The following UVRAG variants were observed in gnomAD, a reference collection of about 807,000 sequenced individuals.
UVRAG encodes UV radiation resistance-associated gene protein.
A neutral mutation model predicts 78.0 loss-of-function variants in UVRAG; 19 were observed. The observed-to-expected ratio is 0.24, with a 90% CI of 0.17 to 0.36. UVRAG has a LOEUF of 0.36. Ranked by LOEUF, UVRAG falls within the 10% of genes least tolerant of loss-of-function variation. The pLI, the probability that UVRAG is intolerant of heterozygous loss-of-function variation, is 1.00. For synonymous variants in UVRAG, 323 were observed against 324.6 expected, an observed-to-expected ratio of 1.00 and a Z score of 0.05; for missense variants, 740 against 853.8, an observed-to-expected ratio of 0.87 and a Z score of 1.66.
chr11:76,042,139 T>C (rs1950657848), intron 12 of UVRAG, among the ~76,000 whole-genome samples: 2 of 152,102 alleles, frequency 1.3e-5, no homozygotes, highest in South Asian at 2.1e-4. Context: ...GTGAAAAAAT[T>C]AGAAACAACC....
At chr11:76,121,751 C>T (rs1952280986) in intron 14 of UVRAG, among the ~76,000 whole-genome samples, 1 of 152,200 alleles carries the variant, frequency 6.6e-6, no homozygotes, top group Non-Finnish European at 1.5e-5. Context: ...GGCAAGTTCC[C>T]ACTACCCAGA....
chr11:75,923,098 G>A (rs537819434), intron 6 of UVRAG, among the ~76,000 whole-genome samples: 145 of 148,664 alleles, frequency 9.8e-4, no homozygotes, highest in African/African-American at 3.4e-3. Flanking sequence ...GCAATGGCTC[G>A]ATCTTGACTC....
intron 6 of UVRAG, among the ~76,000 whole-genome samples, chr11:75,936,003 C>T (rs1351638244): frequency 1.3e-5 from 2 of 152,062 alleles, no homozygotes; most frequent in Non-Finnish European, 2.9e-5. Context: ...TCAGTCTTTC[C>T]TTAAGATTTT....
chr11:76,002,742 G>A (rs532695936), intron 8 of UVRAG, among the ~76,000 whole-genome samples: 5 of 152,208 alleles, frequency 3.3e-5, no homozygotes, highest in African/African-American at 9.6e-5. Flanking sequence ...CAACTTACTG[G>A]TCTTCATAGT....
chr11:76,051,554 T>TA (rs139873353), intron 12 of UVRAG, among the ~76,000 whole-genome samples: 6,859 of 152,146 alleles, frequency 0.045, 266 homozygotes, highest in East Asian at 0.21. Context: ...CCCTGCAACT[T>TA]ACAAGTAAAA....
intron 14 of UVRAG, among the ~76,000 whole-genome samples, chr11:76,140,242 G>A (rs1952691573): frequency 6.6e-6 from 1 of 151,160 alleles, no homozygotes; most frequent in Non-Finnish European, 1.5e-5. Flanking sequence ...CTGCCTCACT[G>A]AGCATGGGCA....
At chr11:75,930,307 T>C (rs902251367) in intron 6 of UVRAG, among the ~76,000 whole-genome samples, 7 of 152,224 alleles carry the variant, frequency 4.6e-5, no homozygotes, top group Non-Finnish European at 1.0e-4. Context: ...AATGAAAGTC[T>C]TTTATACTTT....
At chr11:75,906,610 A>G (rs55916175) in intron 5 of UVRAG, among the ~76,000 whole-genome samples, 4,354 of 152,164 alleles carry the variant, frequency 0.029, 218 homozygotes, top group African/African-American at 0.1. Context: ...AGCCTCTCAA[A>G]GTGCTGGGAT....
At chr11:76,062,406 A>G (rs537997803) in intron 12 of UVRAG, among the ~76,000 whole-genome samples, 1 of 152,310 alleles carries the variant, frequency 6.6e-6, no homozygotes, top group East Asian at 1.9e-4. Flanking sequence ...CCTGTAACCA[A>G]GATCTTTAGG....
At position 76,007,454 on chromosome 11, in the gene UVRAG, G is replaced by C. The variant is rs1949967049; in HGVS notation, c.912-80G>C. ...TTACAGACAGTATAATCTTTCTTTG[G>C]ATTAATTGTGTGGAAATAAATGTTA... is the stretch of plus-strand genomic sequence containing the variant. On this transcript the variant is annotated intron_variant, in intron 9 of 14. Coordinates refer to ENST00000356136, the MANE Select transcript of UVRAG (RefSeq NM_003369.4). The C allele has an allele frequency of 4.5e-6, 5 of 1,120,642 alleles. No individual in the cohort carries two copies. In the Admixed American group the frequency reaches 1.0e-4, roughly 22 times the overall value. The allele number at this position is 1,120,642 out of a possible 1,614,324, so 69.4% of individuals were successfully genotyped here.
intron 8 of UVRAG, among the ~76,000 whole-genome samples, chr11:75,998,969 CAAG>C (rs1474637263): frequency 1.3e-5 from 2 of 151,974 alleles, no homozygotes; most frequent in Non-Finnish European, 2.9e-5. Context: ...TGTGGTGGAG[CAAG>C]AAGGAGGGAG....
chr11:75,948,675 C>T (rs1268437674), intron 6 of UVRAG, among the ~76,000 whole-genome samples: 2 of 152,012 alleles, frequency 1.3e-5, no homozygotes, highest in East Asian at 1.9e-4. Flanking sequence ...CTTTTATCAT[C>T]GATGGAAGAT....
chr11:75,924,083 T>A (rs1312033219), intron 6 of UVRAG, among the ~76,000 whole-genome samples: 1 of 152,194 alleles, frequency 6.6e-6, no homozygotes, highest in African/African-American at 2.4e-5. Context: ...CAGTTTACAA[T>A]GTTGTTCCTA....
intron 7 of UVRAG, among the ~76,000 whole-genome samples, chr11:75,981,385 T>C (rs1257491348): frequency 1.3e-5 from 2 of 152,154 alleles, no homozygotes; most frequent in African/African-American, 4.8e-5. Context: ...ATGCTGGAAT[T>C]ACAGGTGTGA....
chr11:75,983,804 A>G (rs571868298), intron 8 of UVRAG: 9 of 248,128 alleles, frequency 3.6e-5, no homozygotes, highest in Admixed American at 1.5e-4. Context: ...CTATAACACA[A>G]TGGTGAGTAT....
chr11:75,870,225 G>A (rs565090466), intron 3 of UVRAG, among the ~76,000 whole-genome samples: 67 of 152,236 alleles, frequency 4.4e-4, no homozygotes, highest in Non-Finnish European at 9.0e-4. Context: ...TAGTATAAAG[G>A]AAAGTCTTTG....
intron 13 of UVRAG, among the ~76,000 whole-genome samples, chr11:76,106,527 G>A (rs954750852): frequency 2.6e-5 from 4 of 152,002 alleles, no homozygotes; most frequent in East Asian, 1.9e-4. Context: ...CACCATGCCC[G>A]GCTAATTTTT....
intron 14 of UVRAG, among the ~76,000 whole-genome samples, chr11:76,131,392 T>C (rs1591270069): frequency 1.3e-5 from 2 of 152,176 alleles, no homozygotes; most frequent in Admixed American, 1.3e-4. Flanking sequence ...AGCTGGGCCA[T>C]GGAGGCCTGA....
chr11:76,035,346 G>A (rs1318002704), intron 12 of UVRAG, among the ~76,000 whole-genome samples: 1 of 152,096 alleles, frequency 6.6e-6, no homozygotes, highest in African/African-American at 2.4e-5. Flanking sequence ...TTGGTAAATA[G>A]CATGTTATTT....
Sources: allele counts gnomAD v4.1 joint callset (sites outside exome capture counted in the v4.1 genomes callset), GRCh38; gene constraint gnomAD v4.1.1; transcripts MANE v1.5; gene names NCBI Gene and HGNC (gene_info 2026-07-23, HGNC 2026-07-21).